ZNF804A: variants seen among roughly 807,000 people sequenced by gnomAD.
The protein encoded by ZNF804A is zinc finger protein 804A.
A neutral mutation model predicts 16.5 loss-of-function variants in ZNF804A; 2 were observed. The ratio of observed to expected loss-of-function variants is 0.12; its 90% CI spans 0.05 to 0.38. ZNF804A has a LOEUF of 0.38. Among genes scored for constraint, ZNF804A ranks in the 10% least tolerant of loss-of-function variants. ZNF804A has a pLI of 0.99. For synonymous variants in ZNF804A, 534 were observed against 489.6 expected, an observed-to-expected ratio of 1.09 and a Z score of -1.20; for missense variants, 1,473 against 1,390.7, an observed-to-expected ratio of 1.06 and a Z score of -0.94.
At chr2:184,780,077 T>C (rs902365305) in intron 1 of ZNF804A, among the ~76,000 whole-genome samples, 2 of 151,814 alleles carry the variant, frequency 1.3e-5, no homozygotes, top group African/African-American at 4.8e-5. Flanking sequence ...ACTGACTGTA[T>C]GTACAGCTCA....
intron 1 of ZNF804A, among the ~76,000 whole-genome samples, chr2:184,679,151 G>A (rs969724420): frequency 9.9e-5 from 15 of 152,166 alleles, no homozygotes; most frequent in Non-Finnish European, 1.8e-4. Context: ...GATGTTGAAC[G>A]TAGATTCAGA....
intron 3 of ZNF804A, 110 bp downstream of exon 3, chr2:184,933,843 G>T: frequency 9.0e-7 from 1 of 1,116,394 alleles, no homozygotes; most frequent in Non-Finnish European, 1.2e-6. Flanking sequence ...CCCAGAATAA[G>T]GCACACATGT....
At chr2:184,657,530 C>T (rs1168017312) in intron 1 of ZNF804A, among the ~76,000 whole-genome samples, 4 of 152,046 alleles carry the variant, frequency 2.6e-5, no homozygotes, top group South Asian at 2.1e-4. Flanking sequence ...ATCCCTTTTC[C>T]GATAACTCTA....
chr2:184,735,341 A>G (rs1693589938), intron 1 of ZNF804A, among the ~76,000 whole-genome samples: 1 of 152,194 alleles, frequency 6.6e-6, no homozygotes, highest in African/African-American at 2.4e-5. Flanking sequence ...CTAACACAGG[A>G]ACAGAAAACC....
At chr2:184,814,869 A>C (rs1334306983) in intron 1 of ZNF804A, among the ~76,000 whole-genome samples, 1 of 152,016 alleles carries the variant, frequency 6.6e-6, no homozygotes, top group Non-Finnish European at 1.5e-5. Context: ...GTAGAATTTT[A>C]AGTATAAGAG....
intron 1 of ZNF804A, among the ~76,000 whole-genome samples, chr2:184,823,255 AT>A: frequency 6.6e-6 from 1 of 152,200 alleles, no homozygotes; most frequent in South Asian, 2.1e-4. Context: ...TGATCCAGTG[AT>A]TTTATAAGGT....
intron 1 of ZNF804A, among the ~76,000 whole-genome samples, chr2:184,713,004 T>C (rs1693153135): frequency 6.6e-6 from 1 of 151,822 alleles, no homozygotes; most frequent in Non-Finnish European, 1.5e-5. Flanking sequence ...TAAGGAAATT[T>C]ATAGATTTCC....
At chr2:184,745,929 G>A (rs924814971) in intron 1 of ZNF804A, among the ~76,000 whole-genome samples, 7 of 151,432 alleles carry the variant, frequency 4.6e-5, no homozygotes, top group African/African-American at 1.7e-4. Context: ...GTATATGCTG[G>A]TATTTTATGC....
At chr2:184,647,375 T>A (rs182143784) in intron 1 of ZNF804A, among the ~76,000 whole-genome samples, 130 of 152,244 alleles carry the variant, frequency 8.5e-4, no homozygotes, top group Admixed American at 1.4e-3. Context: ...TCACATTAGA[T>A]CTCTTACAGT....
At chr2:184,751,145 A>G (rs1693871371) in intron 1 of ZNF804A, among the ~76,000 whole-genome samples, 1 of 151,546 alleles carries the variant, frequency 6.6e-6, no homozygotes, top group South Asian at 2.1e-4. Flanking sequence ...ACGTGAGTGC[A>G]GATATTTCTC....
At chr2:184,689,055 A>G (rs1692688784) in intron 1 of ZNF804A, among the ~76,000 whole-genome samples, 1 of 152,160 alleles carries the variant, frequency 6.6e-6, no homozygotes, top group South Asian at 2.1e-4. Flanking sequence ...TATACACACT[A>G]GTAGAATATG....
chr2:184,657,259 T>C (rs1052111234), intron 1 of ZNF804A, among the ~76,000 whole-genome samples: 41 of 152,070 alleles, frequency 2.7e-4, no homozygotes, highest in African/African-American at 9.7e-4. Flanking sequence ...CTAATTTGTG[T>C]ATTTTTGGTA....
chr2:184,908,622 A>G (rs951445561), intron 2 of ZNF804A, among the ~76,000 whole-genome samples: 1 of 152,152 alleles, frequency 6.6e-6, no homozygotes, highest in Non-Finnish European at 1.5e-5. Flanking sequence ...CAATATTAAG[A>G]TTAGCAGACT....
At chr2:184,782,386 G>A (rs1031564255) in intron 1 of ZNF804A, among the ~76,000 whole-genome samples, 2 of 151,326 alleles carry the variant, frequency 1.3e-5, no homozygotes, top group Admixed American at 1.3e-4. Flanking sequence ...TAATCTGGGT[G>A]GGCACCATCT....
chr2:184,821,811 A>T (rs926857198), intron 1 of ZNF804A, among the ~76,000 whole-genome samples: 1 of 152,210 alleles, frequency 6.6e-6, no homozygotes, highest in Admixed American at 6.5e-5. Flanking sequence ...ACATGAAAAA[A>T]AGCACAACAT....
chr2:184,772,942 C>CAT (rs1694238264), intron 1 of ZNF804A, among the ~76,000 whole-genome samples: 4 of 146,330 alleles, frequency 2.7e-5, no homozygotes, highest in Admixed American at 6.8e-5. Context: ...CATATATATA[C>CAT]ATATACATAT....
intron 1 of ZNF804A, among the ~76,000 whole-genome samples, chr2:184,669,023 T>C (rs943431368): frequency 6.6e-6 from 1 of 152,004 alleles, no homozygotes; most frequent in African/African-American, 2.4e-5. Context: ...AAATATATAG[T>C]ACTCACTTCC....
At position 184,848,207 on chromosome 2, in the gene ZNF804A, T is replaced by C. The variant is rs561100612; in HGVS notation, c.112-18162T>C. 2.0e-5 allele frequency among the ~76,000 whole-genome samples: 3 copies of C among 152,132 alleles called. No individual in the cohort carries two copies. In the South Asian group the frequency reaches 6.2e-4, roughly 32 times the overall value. ...TTCAGGAGCACCCAGCCACCAATCA[T>C]CTCATTAGCATAAAAAAGGCACTAA... On this transcript the variant is annotated intron_variant, in intron 1 of 3. Coordinates refer to ENST00000302277, the MANE Select transcript of ZNF804A (RefSeq NM_194250.2).
chr2:184,676,337 G>A (rs1692433095), intron 1 of ZNF804A, among the ~76,000 whole-genome samples: 1 of 150,530 alleles, frequency 6.6e-6, no homozygotes, highest in Admixed American at 6.6e-5. Context: ...TTAGAAATAT[G>A]TTTGAAAATA....
Sources: gnomAD v4.1 joint callset for allele counts (sites outside exome capture counted in the v4.1 genomes callset) on GRCh38, gnomAD v4.1.1 for gene constraint, MANE v1.5 for transcripts, NCBI Gene and HGNC (gene_info 2026-07-23, HGNC 2026-07-21) for gene names.